The following SORCS2 variants were observed in gnomAD, a reference collection of about 807,000 sequenced individuals.
SORCS2 encodes VPS10 domain-containing receptor SorCS2.
SORCS2 carries 100 observed loss-of-function variants against 141.6 expected under a neutral mutation model. That is an observed-to-expected ratio of 0.71 (90% CI 0.60 to 0.83). SORCS2 has a LOEUF of 0.83. Ranked by LOEUF, SORCS2 falls within the 40% of genes least tolerant of loss-of-function variation. The pLI is 0.00. For synonymous variants in SORCS2, 789 were observed against 676.9 expected (o/e 1.17, Z -2.57); for missense variants, 1,646 against 1,560.2 (o/e 1.05, Z -0.93).
intron 1 of SORCS2, among the ~76,000 whole-genome samples, chr4:7,321,959 G>C (rs990466284): frequency 6.6e-6 from 1 of 152,192 alleles, no homozygotes; most frequent in Non-Finnish European, 1.5e-5. Flanking sequence ...CATTTAGCCC[G>C]GGTGGCTGTA....
At chr4:7,238,035 A>G (rs1361510433) in intron 1 of SORCS2, among the ~76,000 whole-genome samples, 1 of 152,098 alleles carries the variant, frequency 6.6e-6, no homozygotes, top group Admixed American at 6.5e-5. Flanking sequence ...TGCAATGTGA[A>G]GTGCATCTTC....
intron 1 of SORCS2, among the ~76,000 whole-genome samples, chr4:7,232,823 G>A (rs1711992014): frequency 6.6e-6 from 1 of 152,194 alleles, no homozygotes; most frequent in African/African-American, 2.4e-5. Flanking sequence ...GTTCAATTCT[G>A]CCCAACAGAC....
At chr4:7,412,440 C>G (rs373717352) in intron 2 of SORCS2, among the ~76,000 whole-genome samples, 4 of 152,304 alleles carry the variant, frequency 2.6e-5, no homozygotes, top group African/African-American at 9.6e-5. Context: ...GGCAGAGTGA[C>G]AGCCCTGCCC....
chr4:7,540,518 T>C (rs570647345), intron 3 of SORCS2, among the ~76,000 whole-genome samples: 1 of 152,208 alleles, frequency 6.6e-6, no homozygotes, highest in South Asian at 2.1e-4. Context: ...AATCTGCCCT[T>C]GCGCTTCACG....
intron 3 of SORCS2, among the ~76,000 whole-genome samples, chr4:7,631,587 C>T (rs777467917): frequency 6.6e-6 from 1 of 152,124 alleles, no homozygotes; most frequent in Non-Finnish European, 1.5e-5. Context: ...CTCGGGGCTG[C>T]CCTGACTAGT....
intron 1 of SORCS2, among the ~76,000 whole-genome samples, chr4:7,263,556 G>T (rs141228595): frequency 6.6e-6 from 1 of 152,168 alleles, no homozygotes; most frequent in Admixed American, 6.5e-5. Context: ...GAGTTCCCAC[G>T]GACTCCTTCC....
chr4:7,664,391 GAGA>G lies in SORCS2; in HGVS notation c.995_997del (p.Lys332del), dbSNP rs1560466616. ...CACCTGCGCAATCCACAATTGCTCC[GAGA>G]AGATGCTGACAGCCCCATTCGCAGG... On this transcript the variant is annotated inframe_deletion, in exon 7 of 27. Coordinates refer to ENST00000507866, the MANE Select transcript of SORCS2 (RefSeq NM_020777.3). This position sits in a 1 kb window ranked among gnomAD's most constrained non-coding sequence, Gnocchi z 4.7. 6.2e-7 allele frequency: 1 copy of G among 1,613,872 alleles called. No homozygotes were observed. Among genetic ancestry groups the G allele is most frequent in the Non-Finnish European group, 8.5e-7 (1 of 1,179,856 alleles).
Position 7,363,303 on chromosome 4 carries a change from T to C in SORCS2, c.481-32985T>C, listed in dbSNP as rs368466225. Among the ~76,000 whole-genome samples, 429 of 144,414 alleles carry C rather than the reference T, an allele frequency of 3.0e-3. 1 individual carries two copies. Among genetic ancestry groups the C allele is most frequent in the African/African-American group, 0.011 (420 of 36,562 alleles). 94.7% of individuals were successfully genotyped at this position (144,414 alleles called of 152,430 possible). ...CATTATCATCATTACCACCACTACCTTCACTGCCATCATTACTACCATCAC... is the reference window on the plus strand; with the variant it reads ...CATTATCATCATTACCACCACTACCCTCACTGCCATCATTACTACCATCAC... On this transcript the variant is annotated intron_variant, in intron 1 of 26. Transcript: ENST00000507866.
intron 1 of SORCS2, among the ~76,000 whole-genome samples, chr4:7,262,792 C>T (rs1714450044): frequency 6.6e-6 from 1 of 152,190 alleles, no homozygotes; most frequent in Non-Finnish European, 1.5e-5. Flanking sequence ...CCTCCTGGGT[C>T]TTGTGTGCCT....
intron 1 of SORCS2, among the ~76,000 whole-genome samples, chr4:7,312,820 C>T (rs905234804): frequency 6.6e-6 from 1 of 152,258 alleles, no homozygotes; most frequent in Non-Finnish European, 1.5e-5. Flanking sequence ...GAGCTGGCTG[C>T]TCTGCAGGTC....
chr4:7,543,338 T>A (rs1047859566), intron 3 of SORCS2, among the ~76,000 whole-genome samples: 2 of 152,138 alleles, frequency 1.3e-5, no homozygotes, highest in African/African-American at 4.8e-5. Flanking sequence ...CATTCATCTA[T>A]CCACTTATCC....
At chr4:7,205,048 CTA>C (rs1340987483) in intron 1 of SORCS2, among the ~76,000 whole-genome samples, 2 of 152,216 alleles carry the variant, frequency 1.3e-5, no homozygotes, top group Non-Finnish European at 2.9e-5. Flanking sequence ...AATAAAAACC[CTA>C]TGTTTTTCTC....
intron 26 of SORCS2, among the ~76,000 whole-genome samples, chr4:7,739,460 A>G (rs533893988): frequency 6.2e-4 from 95 of 152,246 alleles, no homozygotes; most frequent in African/African-American, 2.1e-3. Flanking sequence ...CTAGTGGGGT[A>G]GTAAGATTCA....
intron 3 of SORCS2, among the ~76,000 whole-genome samples, chr4:7,608,591 A>G (rs1383870797): frequency 6.6e-6 from 1 of 152,204 alleles, no homozygotes; most frequent in Non-Finnish European, 1.5e-5. Context: ...AGAGGTGTTC[A>G]AGATGCTTGC....
intron 2 of SORCS2, among the ~76,000 whole-genome samples, chr4:7,506,796 C>T (rs1279009477): frequency 6.6e-6 from 1 of 152,170 alleles, no homozygotes; most frequent in East Asian, 1.9e-4. Context: ...GTAGCAGACC[C>T]TGAAACAGAT....
intron 3 of SORCS2, among the ~76,000 whole-genome samples, chr4:7,550,695 G>T (rs1713632509): frequency 6.6e-6 from 1 of 152,206 alleles, no homozygotes; most frequent in Non-Finnish European, 1.5e-5. Context: ...ATGAAGGCAG[G>T]AAACTTGATG....
chr4:7,560,495 C>T (rs556693261), intron 3 of SORCS2, among the ~76,000 whole-genome samples: 1 of 152,236 alleles, frequency 6.6e-6, no homozygotes, highest in South Asian at 2.1e-4. Flanking sequence ...GGTGACAGTG[C>T]TGCTCCCGGG....
At chr4:7,210,917 C>T (rs141220758) in intron 1 of SORCS2, among the ~76,000 whole-genome samples, 73 of 152,276 alleles carry the variant, frequency 4.8e-4, no homozygotes, top group African/African-American at 1.7e-3. Context: ...GGTAGTCAGC[C>T]AGCTGCCAAT....
intron 12 of SORCS2, among the ~76,000 whole-genome samples, chr4:7,702,290 G>A (rs1725138193): frequency 6.6e-6 from 1 of 152,214 alleles, no homozygotes; most frequent in South Asian, 2.1e-4. Flanking sequence ...TATGGGGCGA[G>A]GGCGATGTGT....
Sources: allele counts gnomAD v4.1 joint callset (sites outside exome capture counted in the v4.1 genomes callset), GRCh38; gene constraint gnomAD v4.1.1; non-coding constraint Gnocchi (gnomAD v3.1); transcripts MANE v1.5; gene names NCBI Gene and HGNC (gene_info 2026-07-23, HGNC 2026-07-21).